VCL: variants seen among roughly 807,000 people sequenced by gnomAD.
VCL encodes the protein epididymis luminal protein 114.
VCL carries 47 observed loss-of-function variants against 125.7 expected under a neutral mutation model. That is an observed-to-expected ratio of 0.37 (90% confidence interval 0.30 to 0.48). The LOEUF is 0.48. VCL is among the 20% of genes least tolerant of loss of function. VCL has a pLI of 0.99. For missense variants in VCL, 1,069 were observed against 1,455.5 expected (o/e 0.73, Z 4.32); for synonymous variants, 458 against 514.6 (o/e 0.89, Z 1.49).
intron 1 of VCL, among the ~76,000 whole-genome samples, chr10:74,013,896 G>A: frequency 1.3e-5 from 1 of 78,006 alleles, no homozygotes; most frequent in Admixed American, 1.5e-4. Flanking sequence ...AAAAGGCAGT[G>A]TTGATTTAAA....
At position 74,097,852 on chromosome 10, in the gene VCL, A is replaced by G. The variant is rs542514883; in HGVS notation, c.1872+520A>G. Among the ~76,000 whole-genome samples the G allele has an allele frequency of 6.6e-6, 1 of 152,200 alleles. No individual in the cohort carries two copies. The highest frequency in any genetic ancestry group is 2.4e-5 in the African/African-American group (1 of 41,440). On this transcript the variant is annotated intron_variant, in intron 13 of 21. Transcript: ENST00000211998. This position sits in a 1 kb window ranked among gnomAD's most constrained non-coding sequence, Gnocchi z 4.1. The stretch of plus-strand genomic sequence containing the variant: ...CCCAGAGTAAAACCAGAGTGCTAAC[A>G]ATGAAGAAAATTGCCAGCGATGTGC...
At chr10:74,098,421 A>C (rs1840004028) in intron 13 of VCL, among the ~76,000 whole-genome samples, 1 of 152,134 alleles carries the variant, frequency 6.6e-6, no homozygotes, top group South Asian at 2.1e-4. Context: ...CCCTCCCACT[A>C]CCATGAAAGC....
chr10:74,113,161 G>A (rs975918391), intron 19 of VCL, among the ~76,000 whole-genome samples: 1 of 152,216 alleles, frequency 6.6e-6, no homozygotes, highest in African/African-American at 2.4e-5. Flanking sequence ...GGAAAAATGA[G>A]TAGGGCCTGG....
intron 1 of VCL, among the ~76,000 whole-genome samples, chr10:74,008,093 C>G (rs1372850532): frequency 6.6e-6 from 1 of 152,110 alleles, no homozygotes; most frequent in South Asian, 2.1e-4. Flanking sequence ...CATGAGCCAC[C>G]GCGCCCGGCC....
intron 1 of VCL, among the ~76,000 whole-genome samples, chr10:74,009,295 A>G (rs898307028): frequency 3.9e-5 from 5 of 128,102 alleles, no homozygotes; most frequent in East Asian, 2.4e-4. Flanking sequence ...GTCTCGCTCT[A>G]TTGCCCAGGC....
At chr10:74,058,295 C>A (rs1487162891) in intron 2 of VCL, among the ~76,000 whole-genome samples, 1 of 152,264 alleles carries the variant, frequency 6.6e-6, no homozygotes, top group East Asian at 1.9e-4. Context: ...CAAGTGTCGT[C>A]GTAGCCTTGT....
In VCL at chr10:74,083,348, A is replaced by G; in HGVS notation, c.875-18A>G. The G allele has an allele frequency of 6.2e-7, 1 of 1,613,644 alleles. No individual in the cohort carries two copies. The highest frequency in any genetic ancestry group is 8.5e-7 in the Non-Finnish European group (1 of 1,179,702). ...GAATGTGTCAACAATGTAGTTATTGAATATCTCTTTATTTTAGGGGATGCT... is the reference window on the plus strand; with the variant it reads ...GAATGTGTCAACAATGTAGTTATTGGATATCTCTTTATTTTAGGGGATGCT... On this transcript the variant is annotated intron_variant, in intron 7 of 21. Transcript: ENST00000211998.
chr10:74,118,137 C>G lies in VCL; in HGVS notation c.3373C>G (p.Arg1125Gly). ...TCGAACAGATGCTGGATTTACACTG[C>G]GCTGGGTTAGAAAGACTCCCTGGTA... ...KIRTDAGFTL[R>G]WVRKTPWYQ Residue 1125 changes from arginine (R) to glycine (G), a missense_variant, in exon 22 of 22, where the codon CGC becomes GGC. Arg to Gly is a moderately radical substitution (Grantham distance 125). This residue lies in a region of VCL where 91 missense variants were observed against 203.9 expected (regional missense o/e 0.45). Coordinates refer to ENST00000211998, the MANE Select transcript of VCL (RefSeq NM_014000.3). The G allele has an allele frequency of 6.2e-7, 1 of 1,614,090 alleles. No homozygotes were observed. Among genetic ancestry groups the G allele is most frequent in the Non-Finnish European group, 8.5e-7 (1 of 1,180,032 alleles).
chr10:74,017,912 A>G (rs1324325494), intron 1 of VCL, among the ~76,000 whole-genome samples: 1 of 151,732 alleles, frequency 6.6e-6, no homozygotes, highest in African/African-American at 2.4e-5. Flanking sequence ...TAATCCCAGC[A>G]CTTTGGGAGG....
rs1343110373 is a variant in VCL, at chr10:74,097,914, A to G, written c.1872+582A>G. On this transcript the variant is annotated intron_variant, in intron 13 of 21. Transcript: ENST00000211998. This position sits in a 1 kb window ranked among gnomAD's most constrained non-coding sequence, Gnocchi z 4.1. ...CTCTCCAGGAAAACGAAAAACCTTG[A>G]TTTGTAATGTTTGTTGATTTCCATT... Among the ~76,000 whole-genome samples the G allele has an allele frequency of 6.6e-6, 1 of 152,174 alleles. No homozygotes were observed. The highest frequency in any genetic ancestry group is 1.5e-5 in the Non-Finnish European group (1 of 68,028).
At chr10:74,087,339 C>T (rs1249217142) in intron 8 of VCL, among the ~76,000 whole-genome samples, 302 of 119,878 alleles carry the variant, frequency 2.5e-3, no homozygotes, top group Middle Eastern at 4.2e-3. Flanking sequence ...TTAGGTTTTT[C>T]TTTTTTTTTT....
intron 2 of VCL, among the ~76,000 whole-genome samples, chr10:74,047,003 ACTCTAATAATTG>A (rs1382531464): frequency 2.0e-5 from 3 of 152,186 alleles, no homozygotes; most frequent in Non-Finnish European, 2.9e-5. Context: ...TCAACCCCTT[ACTCTAATAATTG>A]GTAATTTAAA....
At chr10:74,068,567 C>T (rs965015695) in intron 2 of VCL, among the ~76,000 whole-genome samples, 2 of 152,150 alleles carry the variant, frequency 1.3e-5, no homozygotes, top group Non-Finnish European at 1.5e-5. Flanking sequence ...TAAAGTAATC[C>T]ACCTGCCTTG....
chr10:74,044,442 G>A (rs568571426), intron 2 of VCL, among the ~76,000 whole-genome samples: 118 of 152,228 alleles, frequency 7.8e-4, no homozygotes, highest in African/African-American at 2.6e-3. Flanking sequence ...CTCAAAAGAG[G>A]AAATTTAAGT....
chr10:74,082,050 C>T (rs1035345096), intron 6 of VCL, among the ~76,000 whole-genome samples: 1 of 152,120 alleles, frequency 6.6e-6, no homozygotes, highest in East Asian at 1.9e-4. Flanking sequence ...CACATACTAA[C>T]GAGGCTTCCC....
At chr10:74,011,299 CG>C (rs2092891249) in intron 1 of VCL, among the ~76,000 whole-genome samples, 1 of 151,352 alleles carries the variant, frequency 6.6e-6, no homozygotes, top group East Asian at 1.9e-4. Flanking sequence ...TATAATTAGA[CG>C]TAGGAAATGG....
At chr10:74,062,890 C>T (rs753223279) in intron 2 of VCL, among the ~76,000 whole-genome samples, 5 of 151,986 alleles carry the variant, frequency 3.3e-5, no homozygotes, top group Admixed American at 3.3e-4. Context: ...CATCATGATA[C>T]CCCGTCGCTA....
intron 1 of VCL, among the ~76,000 whole-genome samples, chr10:74,034,520 ACT>A (rs1840937646): frequency 6.6e-6 from 1 of 152,052 alleles, no homozygotes; most frequent in African/African-American, 2.4e-5. Flanking sequence ...CTTGGTTGTA[ACT>A]CTACTAGAGC....
chr10:74,079,957 C>T (rs1251727835), intron 6 of VCL, among the ~76,000 whole-genome samples: 5 of 152,106 alleles, frequency 3.3e-5, no homozygotes, highest in Non-Finnish European at 5.9e-5. Flanking sequence ...AAATGAACAT[C>T]TCTTAATTTT....
Sources: gnomAD v4.1 joint callset for allele counts (sites outside exome capture counted in the v4.1 genomes callset) on GRCh38, gnomAD v4.1.1 for gene constraint, gnomAD v4.1.1 regional missense constraint, Gnocchi (gnomAD v3.1) non-coding constraint, MANE v1.5 for transcripts, NCBI Gene and HGNC (gene_info 2026-07-23, HGNC 2026-07-21) for gene names.